CSMD1: variants seen among roughly 807,000 people sequenced by gnomAD.
CSMD1 encodes CUB and sushi domain-containing protein 1.
A neutral mutation model predicts 417.5 loss-of-function variants in CSMD1; 213 were observed. That is an observed-to-expected ratio of 0.51 (90% CI 0.46 to 0.57). The LOEUF (loss-of-function observed/expected upper bound fraction) is 0.57. Among genes scored for constraint, CSMD1 ranks in the 20% least tolerant of loss-of-function variants. CSMD1 has a pLI of 0.00. For synonymous variants in CSMD1, 2,862 were observed against 1,736.8 expected, an observed-to-expected ratio of 1.65 and a Z score of -16.11; for missense variants, 6,923 against 4,529.7, an observed-to-expected ratio of 1.53 and a Z score of -15.17.
intron 2 of CSMD1, among the ~76,000 whole-genome samples, chr8:4,536,100 T>C (rs144656062): frequency 2.0e-5 from 3 of 152,216 alleles, no homozygotes; most frequent in Non-Finnish European, 2.9e-5. Context: ...TAAATCTGAT[T>C]ACCATGTTCA....
intron 14 of CSMD1, among the ~76,000 whole-genome samples, chr8:3,407,009 G>T (rs1812383559): frequency 6.6e-6 from 1 of 152,116 alleles, no homozygotes; most frequent in South Asian, 2.1e-4. Context: ...GTGGATGGTT[G>T]TATAGATGGG....
chr8:4,606,930 T>C (rs916689585), intron 2 of CSMD1, among the ~76,000 whole-genome samples: 1 of 152,244 alleles, frequency 6.6e-6, no homozygotes, highest in African/African-American at 2.4e-5. Flanking sequence ...TCATTGTACA[T>C]GAGTAGATAT....
At chr8:3,999,337 G>A (rs561516267) in intron 4 of CSMD1, among the ~76,000 whole-genome samples, 3 of 152,194 alleles carry the variant, frequency 2.0e-5, no homozygotes, top group Non-Finnish European at 4.4e-5. Context: ...GCATATCTTC[G>A]ACCCTACCCA....
intron 5 of CSMD1, among the ~76,000 whole-genome samples, chr8:3,877,262 G>C (rs1805886769): frequency 6.6e-6 from 1 of 152,106 alleles, no homozygotes; most frequent in South Asian, 2.1e-4. Context: ...CAGATGTCCT[G>C]GTGTGGCCCT....
intron 3 of CSMD1, among the ~76,000 whole-genome samples, chr8:4,142,717 G>A (rs1040299797): frequency 6.6e-6 from 1 of 151,026 alleles, no homozygotes; most frequent in Non-Finnish European, 1.5e-5. Flanking sequence ...ATTCCTAGAG[G>A]CCAGACCTGA....
intron 5 of CSMD1, among the ~76,000 whole-genome samples, chr8:3,782,421 T>C (rs1339552022): frequency 1.3e-5 from 2 of 152,128 alleles, no homozygotes; most frequent in Admixed American, 6.6e-5. Context: ...AAATAGGCTG[T>C]TCAACAACCC....
At chr8:3,022,085 A>T (rs1468767122) in intron 51 of CSMD1, among the ~76,000 whole-genome samples, 1 of 145,396 alleles carries the variant, frequency 6.9e-6, no homozygotes, top group African/African-American at 2.6e-5. Flanking sequence ...AGCATCCGGA[A>T]TACACCCGCA....
intron 4 of CSMD1, among the ~76,000 whole-genome samples, chr8:4,020,011 T>A (rs549306255): frequency 6.6e-6 from 1 of 152,208 alleles, no homozygotes; most frequent in Admixed American, 6.5e-5. Flanking sequence ...CATTCCGCTC[T>A]GGGCACTTAG....
intron 12 of CSMD1, among the ~76,000 whole-genome samples, chr8:3,462,588 G>C (rs966792687): frequency 6.6e-6 from 1 of 152,156 alleles, no homozygotes; most frequent in African/African-American, 2.4e-5. Flanking sequence ...GGACTGTCTA[G>C]TTGCAGGAAA....
chr8:4,126,566 G>A (rs908328597), intron 3 of CSMD1, among the ~76,000 whole-genome samples: 18 of 152,182 alleles, frequency 1.2e-4, no homozygotes, highest in African/African-American at 3.9e-4. Context: ...ATTGTGGGAT[G>A]GAGACTGGGG....
chr8:3,183,548 T>C (rs56011600), intron 36 of CSMD1, among the ~76,000 whole-genome samples: 6,808 of 94,512 alleles, frequency 0.072, 354 homozygotes, highest in Admixed American at 0.11. Context: ...TATCTATCCC[T>C]GAAACATCGA....
At chr8:4,502,390 A>T (rs1259795484) in intron 2 of CSMD1, among the ~76,000 whole-genome samples, 1 of 152,176 alleles carries the variant, frequency 6.6e-6, no homozygotes, top group Non-Finnish European at 1.5e-5. Context: ...TAATTGCTCA[A>T]AACAAAAAAG....
chr8:4,141,054 C>G (rs570182639), intron 3 of CSMD1, among the ~76,000 whole-genome samples: 9 of 151,202 alleles, frequency 6.0e-5, no homozygotes, highest in African/African-American at 2.2e-4. Context: ...TTAGTTCTAA[C>G]AAATTATAAA....
intron 3 of CSMD1, among the ~76,000 whole-genome samples, chr8:4,290,499 A>T (rs768236203): frequency 6.6e-6 from 1 of 151,374 alleles, no homozygotes; most frequent in Non-Finnish European, 1.5e-5. Flanking sequence ...ATAGCATGAG[A>T]AAAAAAGGAC....
chr8:3,470,265 T>C (rs771322292), intron 11 of CSMD1, among the ~76,000 whole-genome samples: 7 of 152,228 alleles, frequency 4.6e-5, no homozygotes, highest in South Asian at 2.1e-4. Flanking sequence ...GTTTGTAGTA[T>C]TGTTTCATTT....
chr8:3,843,835 A>G (rs1299139994), intron 5 of CSMD1, among the ~76,000 whole-genome samples: 1 of 152,204 alleles, frequency 6.6e-6, no homozygotes, highest in African/African-American at 2.4e-5. Flanking sequence ...AATCAAATGG[A>G]TATAATGTAC....
At chr8:3,026,346 C>T (rs1476383979) in intron 51 of CSMD1, among the ~76,000 whole-genome samples, 1 of 152,164 alleles carries the variant, frequency 6.6e-6, no homozygotes, top group Non-Finnish European at 1.5e-5. Context: ...CTCGCTGGAT[C>T]CCACTGGAGC....
intron 3 of CSMD1, among the ~76,000 whole-genome samples, chr8:4,051,406 TGTA>T (rs1798418106): frequency 1.3e-5 from 2 of 151,902 alleles, no homozygotes; most frequent in South Asian, 4.1e-4. Flanking sequence ...AGTAGCATAA[TGTA>T]GTTAAATCAG....
intron 1 of CSMD1, among the ~76,000 whole-genome samples, chr8:4,829,864 G>T (rs890477876): frequency 4.6e-5 from 7 of 152,186 alleles, no homozygotes; most frequent in African/African-American, 1.2e-4. Flanking sequence ...GCTGGTCAGA[G>T]TGGTACAAAG....
Sources: gnomAD v4.1 joint callset for allele counts (sites outside exome capture counted in the v4.1 genomes callset) on GRCh38, gnomAD v4.1.1 for gene constraint, MANE v1.5 for transcripts, NCBI Gene and HGNC (gene_info 2026-07-23, HGNC 2026-07-21) for gene names.